Variants in SNAP23 observed in about 807,000 individuals in gnomAD.
The protein encoded by SNAP23 is synaptosome associated protein 23, also known as synaptosomal-associated protein 23.
Under a neutral mutation model 29.0 loss-of-function variants are expected in SNAP23, and 11 were observed. The observed-to-expected ratio is 0.38, with a 90% confidence interval of 0.24 to 0.63. The LOEUF (loss-of-function observed/expected upper bound fraction) is 0.63, where lower values mean the gene tolerates loss of function less well. SNAP23 is among the 20% of genes least tolerant of loss of function. SNAP23 has a pLI of 0.58. For synonymous variants in SNAP23, 60 were observed against 82.9 expected, an observed-to-expected ratio of 0.72 and a Z score of 1.50; for missense variants, 220 against 253.9, an observed-to-expected ratio of 0.87 and a Z score of 0.91.
At chr15:42,516,544 T>C (rs1029994964) in intron 5 of SNAP23, among the ~76,000 whole-genome samples, 1 of 152,076 alleles carries the variant, frequency 6.6e-6, no homozygotes, top group African/African-American at 2.4e-5. Flanking sequence ...TTGGCCAGGA[T>C]GGTCTTGATC....
At chr15:42,500,832 C>T (rs1015707895) in intron 1 of SNAP23, among the ~76,000 whole-genome samples, 12 of 152,110 alleles carry the variant, frequency 7.9e-5, no homozygotes, top group African/African-American at 2.9e-4. Context: ...AGAAGAAGCC[C>T]ATTTGTATTC....
At chr15:42,519,794 C>T (rs1246088899) in intron 5 of SNAP23, among the ~76,000 whole-genome samples, 1 of 152,138 alleles carries the variant, frequency 6.6e-6, no homozygotes, top group East Asian at 1.9e-4. Flanking sequence ...TGAGCCACCA[C>T]ACGCAACGTC....
chr15:42,493,524 C>T (rs1054690144), upstream of SNAP23, among the ~76,000 whole-genome samples: 3 of 151,982 alleles, frequency 2.0e-5, no homozygotes, highest in Non-Finnish European at 4.4e-5. Flanking sequence ...TTGAGAACCA[C>T]GGAATTATAT....
chr15:42,510,732 C>G (rs115830983), intron 1 of SNAP23, among the ~76,000 whole-genome samples: 1 of 152,106 alleles, frequency 6.6e-6, no homozygotes, highest in Non-Finnish European at 1.5e-5. Context: ...TTCTGCTTAT[C>G]AAAGAGTATA....
intron 1 of SNAP23, among the ~76,000 whole-genome samples, chr15:42,502,090 C>T (rs377322884): frequency 6.8e-6 from 1 of 148,122 alleles, no homozygotes; most frequent in South Asian, 2.1e-4. Context: ...TGCAGTGGCG[C>T]GATCTTGGCT....
upstream of SNAP23, chr15:42,491,285 C>G (rs1328706571): frequency 1.3e-5 from 2 of 152,414 alleles, no homozygotes; most frequent in Non-Finnish European, 2.9e-5. Context: ...GGCAGGCCCG[C>G]TTGCGGGAGA....
At chr15:42,503,591 A>G (rs1382265378) in intron 1 of SNAP23, among the ~76,000 whole-genome samples, 1 of 152,070 alleles carries the variant, frequency 6.6e-6, no homozygotes, top group Non-Finnish European at 1.5e-5. Flanking sequence ...GCTGGTCTCG[A>G]ACCCATGACC....
chr15:42,503,758 C>T (rs2057295499), intron 1 of SNAP23, among the ~76,000 whole-genome samples: 1 of 152,116 alleles, frequency 6.6e-6, no homozygotes, highest in Non-Finnish European at 1.5e-5. Context: ...CCACCTTGGC[C>T]TCCCAAAGTG....
At chr15:42,493,088 T>A (rs568880046), upstream of SNAP23, 1 of 152,284 alleles carries the variant, frequency 6.6e-6, no homozygotes. Flanking sequence ...ACACATGTAA[T>A]CCTATAACTT....
intron 6 of SNAP23, among the ~76,000 whole-genome samples, chr15:42,529,415 C>A (rs1302990261): frequency 6.6e-6 from 1 of 152,146 alleles, no homozygotes; most frequent in East Asian, 1.9e-4. Flanking sequence ...AACAGCTTCC[C>A]AGGTGATGCT....
intron 2 of SNAP23, among the ~76,000 whole-genome samples, chr15:42,512,551 G>A (rs1400422450): frequency 6.6e-6 from 1 of 151,860 alleles, no homozygotes; most frequent in Non-Finnish European, 1.5e-5. Context: ...GCTAATTTTT[G>A]TATTTTTAGT....
chr15:42,518,625 G>A (rs1479481614), intron 5 of SNAP23, among the ~76,000 whole-genome samples: 1 of 151,874 alleles, frequency 6.6e-6, no homozygotes, highest in Non-Finnish European at 1.5e-5. Context: ...CACCATGTTG[G>A]CCAGGCTGGT....
At chr15:42,512,844 C>G (rs2057368010) in intron 2 of SNAP23, 111 bp from the exon 3 acceptor site, 2 of 765,234 alleles carry the variant, frequency 2.6e-6, no homozygotes, top group East Asian at 5.3e-5. Context: ...GCCACTGTGC[C>G]CGGCCTGAGC....
intron 1 of SNAP23, among the ~76,000 whole-genome samples, chr15:42,502,634 C>T (rs1010192476): frequency 6.6e-6 from 1 of 152,226 alleles, no homozygotes; most frequent in African/African-American, 2.4e-5. Context: ...CAATTAATCT[C>T]ACCCCGTACT....
At chr15:42,523,125 C>T (rs1262988932) in intron 5 of SNAP23, among the ~76,000 whole-genome samples, 1 of 150,618 alleles carries the variant, frequency 6.6e-6, no homozygotes, top group Non-Finnish European at 1.5e-5. Flanking sequence ...AAATTACAGG[C>T]GTGAGCCACA....
At chr15:42,528,134 T>C in intron 5 of SNAP23, 128 bp from the exon 6 acceptor site, 1 of 610,206 alleles carries the variant, frequency 1.6e-6, no homozygotes, top group Non-Finnish European at 2.8e-6. Flanking sequence ...GTAGATCATC[T>C]AGACTTAGCT....
upstream of SNAP23, chr15:42,491,283 C>G (rs1261884256): frequency 2.0e-5 from 3 of 152,386 alleles, no homozygotes; most frequent in Admixed American, 1.3e-4. Context: ...AAGGCAGGCC[C>G]GCTTGCGGGA....
In SNAP23 at chr15:42,528,412, C is replaced by T. The variant is rs758933085; in HGVS notation, c.417C>T (p.Tyr139=). ...CAACGGGAGCAGCCAGTGGTGGATA[C>T]ATTAAACGGTATGCCAACTCCTCCT... ...QPTTGAASGG[Y]IKRITNDARE... is the part of the protein sequence containing the mutation. Residue 139 remains tyrosine (Y), a synonymous_variant, in exon 6 of 8, where the codon TAC becomes TAT. Transcript: ENST00000249647. 6 of 1,614,076 alleles carry T rather than the reference C, an allele frequency of 3.7e-6. No homozygotes were observed. The highest frequency in any genetic ancestry group is 1.1e-5 in the South Asian group (1 of 91,078).
At chr15:42,528,677 C>T (rs575240418) in intron 6 of SNAP23, among the ~76,000 whole-genome samples, 1 of 152,216 alleles carries the variant, frequency 6.6e-6, no homozygotes, top group East Asian at 1.9e-4. Flanking sequence ...CCTCTGCCTC[C>T]CAGGTTCAAG....
Sources: gnomAD v4.1 joint callset for allele counts (sites outside exome capture counted in the v4.1 genomes callset) on GRCh38, gnomAD v4.1.1 for gene constraint, MANE v1.5 for transcripts, NCBI Gene and HGNC (gene_info 2026-07-23, HGNC 2026-07-21) for gene names.